IGSF21: variants seen among roughly 807,000 people sequenced by gnomAD.
The protein encoded by IGSF21 is immunoglobulin superfamily member 21.
In IGSF21, 28 loss-of-function variants were observed where a neutral mutation model predicts 46.8. That is an observed-to-expected ratio of 0.60 (90% CI 0.44 to 0.82). The LOEUF (loss-of-function observed/expected upper bound fraction) is 0.82, where lower values mean the gene tolerates loss of function less well. IGSF21 is among the 40% of genes least tolerant of loss of function. IGSF21 has a pLI of 0.00. For synonymous variants in IGSF21, 284 were observed against 273.6 expected, an observed-to-expected ratio of 1.04 and a Z score of -0.38; for missense variants, 624 against 665.5, an observed-to-expected ratio of 0.94 and a Z score of 0.69.
intron 4 of IGSF21, among the ~76,000 whole-genome samples, chr1:18,349,705 T>C (rs1339859159): frequency 6.6e-6 from 1 of 152,084 alleles, no homozygotes; most frequent in Admixed American, 6.6e-5. Context: ...GTCTACATAC[T>C]TTACGTAGTG....
chr1:18,370,879 A>G (rs2086217747), intron 6 of IGSF21, among the ~76,000 whole-genome samples: 1 of 152,246 alleles, frequency 6.6e-6, no homozygotes. Flanking sequence ...ATGAGATACC[A>G]TTTCACATCT....
intron 1 of IGSF21, among the ~76,000 whole-genome samples, chr1:18,191,226 C>T (rs997683238): frequency 1.3e-5 from 2 of 152,176 alleles, no homozygotes; most frequent in African/African-American, 4.8e-5. Context: ...TCAGGCCAGT[C>T]ACTTGCCCTC....
intron 1 of IGSF21, among the ~76,000 whole-genome samples, chr1:18,137,393 ACCTGATCCC>A (rs887622935): frequency 6.6e-6 from 1 of 152,182 alleles, no homozygotes; most frequent in South Asian, 2.1e-4. Context: ...ACACACATCC[ACCTGATCCC>A]CCTGATCCCC....
chr1:18,167,008 A>T (rs992605826), intron 1 of IGSF21: 1 of 153,250 alleles, frequency 6.5e-6, no homozygotes, highest in African/African-American at 2.4e-5. Context: ...TGTTGTGGAA[A>T]CAGGAACCGT....
chr1:18,220,892 C>A (rs766902832), intron 1 of IGSF21, among the ~76,000 whole-genome samples: 5 of 152,132 alleles, frequency 3.3e-5, no homozygotes, highest in Non-Finnish European at 5.9e-5. Flanking sequence ...GCCAGAGGAA[C>A]CTGAGAGCTA....
intron 1 of IGSF21, among the ~76,000 whole-genome samples, chr1:18,184,492 G>A (rs1373238262): frequency 3.3e-5 from 5 of 152,122 alleles, no homozygotes; most frequent in African/African-American, 4.8e-5. Context: ...CATTTTCCTC[G>A]AATGAGATTC....
intron 4 of IGSF21, among the ~76,000 whole-genome samples, chr1:18,345,734 A>G (rs1202621727): frequency 2.6e-5 from 4 of 152,048 alleles, no homozygotes; most frequent in Non-Finnish European, 4.4e-5. Flanking sequence ...TGTTCTGCTT[A>G]ACACCTGCTA....
At chr1:18,232,109 A>T (rs1275378035) in intron 2 of IGSF21, among the ~76,000 whole-genome samples, 1 of 151,344 alleles carries the variant, frequency 6.6e-6, no homozygotes, top group East Asian at 1.9e-4. Context: ...GATGCTTTTC[A>T]CCATCCCCCT....
At chr1:18,267,271 T>C (rs1208500100) in intron 2 of IGSF21, among the ~76,000 whole-genome samples, 1 of 152,194 alleles carries the variant, frequency 6.6e-6, no homozygotes, top group African/African-American at 2.4e-5. Context: ...AGTCAATTTG[T>C]GTGGGCGTTT....
intron 3 of IGSF21, among the ~76,000 whole-genome samples, chr1:18,319,098 A>C (rs2085573703): frequency 6.6e-6 from 1 of 152,212 alleles, no homozygotes; most frequent in Non-Finnish European, 1.5e-5. Context: ...CTTTCTCCTA[A>C]GAGTCCCAGG....
chr1:18,376,068 C>T (rs550899390), intron 6 of IGSF21: 9 of 440,362 alleles, frequency 2.0e-5, no homozygotes, highest in Admixed American at 1.3e-4. Flanking sequence ...GAGCAGGAAT[C>T]ATGTCCTATA....
intron 3 of IGSF21, among the ~76,000 whole-genome samples, chr1:18,316,027 C>T (rs2085540151): frequency 6.6e-6 from 1 of 152,268 alleles, no homozygotes; most frequent in South Asian, 2.1e-4. Context: ...GGCCATGCTC[C>T]AGTGCAGGTA....
intron 1 of IGSF21, among the ~76,000 whole-genome samples, chr1:18,177,296 T>C (rs2086808805): frequency 6.6e-6 from 1 of 152,138 alleles, no homozygotes; most frequent in Admixed American, 6.6e-5. Context: ...GGTCCAAGGT[T>C]TTTCCTTTGC....
Position 18,365,451 on chromosome 1 carries a change from C to G in IGSF21, c.769C>G (p.Leu257Val), listed in dbSNP as rs767339230. 1.2e-5 allele frequency: 19 copies of G among 1,613,988 alleles called. 1 individual carries two copies. The South Asian group carries it at 1.5e-4, about 13-fold the overall frequency. Residue 257 changes from leucine (L) to valine (V), a missense_variant, in exon 6 of 10, where the codon CTC becomes GTC. Physicochemically the swap from Leu to Val is conservative, Grantham distance 32. Coordinates refer to ENST00000251296, the MANE Select transcript of IGSF21 (RefSeq NM_032880.5). This position sits in a 1 kb window ranked among gnomAD's most constrained non-coding sequence, Gnocchi z 4.8. ...SRGLTPDPNI[L>V]LQPTTENIPE... is the part of the protein sequence containing the mutation. The stretch of plus-strand genomic sequence containing the variant: ...TGGCCTGACCCCAGATCCCAACATC[C>G]TCCTCCAGCCAACCACAGAGAACAT...
At chr1:18,119,373 A>G (rs1185627078) in intron 1 of IGSF21, among the ~76,000 whole-genome samples, 3 of 152,212 alleles carry the variant, frequency 2.0e-5, no homozygotes, top group Non-Finnish European at 2.9e-5. Context: ...CTCAGCTTCC[A>G]TTTAGCTGAA....
At chr1:18,376,241 A>C in intron 6 of IGSF21, 69 bp from the exon 7 acceptor site, 4 of 1,073,608 alleles carry the variant, frequency 3.7e-6, no homozygotes. Context: ...CTAGACTAGA[A>C]CTTTCTCTTC....
chr1:18,169,609 G>A (rs2086715163), intron 1 of IGSF21, among the ~76,000 whole-genome samples: 1 of 152,200 alleles, frequency 6.6e-6, no homozygotes, highest in African/African-American at 2.4e-5. Context: ...CTTTGCTGAT[G>A]GCTGAAGCCC....
In IGSF21 at chr1:18,196,167, G is replaced by A. The variant is rs568524053; in HGVS notation, c.71-31731G>A. ...AGGATTTGAAGAGTTTAATCAGGGG[G>A]CTGAATGTGGTCGGATCTCTGTCAG... is the stretch of plus-strand genomic sequence containing the variant. On this transcript the variant is annotated intron_variant, in intron 1 of 9. Transcript: ENST00000251296. Among the ~76,000 whole-genome samples the A allele has an allele frequency of 9.8e-5, 15 of 152,316 alleles. No individual in the cohort carries two copies. The South Asian group carries it at 3.1e-3, about 32-fold the overall frequency.
intron 3 of IGSF21, among the ~76,000 whole-genome samples, chr1:18,304,065 G>T (rs527881548): frequency 5.3e-5 from 8 of 152,282 alleles, no homozygotes; most frequent in African/African-American, 1.9e-4. Flanking sequence ...GAAGAAATGG[G>T]GATGAATTAG....
Sources: allele counts gnomAD v4.1 joint callset (sites outside exome capture counted in the v4.1 genomes callset), GRCh38; gene constraint gnomAD v4.1.1; non-coding constraint Gnocchi (gnomAD v3.1); transcripts MANE v1.5; gene names NCBI Gene and HGNC (gene_info 2026-07-23, HGNC 2026-07-21).